Variants in LRBA observed in about 807,000 individuals in gnomAD.
LRBA encodes LPS responsive beige-like anchor protein.
In LRBA, 176 loss-of-function variants were observed where a neutral mutation model predicts 330.0. The observed-to-expected ratio is 0.53, with a 90% CI of 0.47 to 0.60. The LOEUF is 0.60. Among genes scored for constraint, LRBA ranks in the 20% least tolerant of loss-of-function variants. LRBA has a pLI of 0.00. For synonymous variants in LRBA, 1,230 were observed against 1,193.0 expected (o/e 1.03, Z -0.64); for missense variants, 3,259 against 3,444.8 (o/e 0.95, Z 1.35).
intron 43 of LRBA, 75 bp downstream of exon 43, chr4:150,471,549 A>T (rs1756130962): frequency 2.5e-6 from 2 of 814,978 alleles, no homozygotes; most frequent in Admixed American, 2.5e-5. Flanking sequence ...TAGTTATACC[A>T]CTACTTAAAA....
At chr4:150,657,326 G>A (rs1307905343) in intron 37 of LRBA, among the ~76,000 whole-genome samples, 2 of 151,882 alleles carry the variant, frequency 1.3e-5, no homozygotes, top group East Asian at 1.9e-4. Flanking sequence ...TATCATATAA[G>A]CAAACAAAAG....
At chr4:150,539,232 C>A (rs533814694) in intron 40 of LRBA, among the ~76,000 whole-genome samples, 16 of 152,244 alleles carry the variant, frequency 1.1e-4, no homozygotes, top group Admixed American at 9.2e-4. Context: ...CTGCGGCCTC[C>A]CAAAGTGCTG....
chr4:150,580,914 AAG>A (rs949909393), intron 40 of LRBA: 2 of 153,012 alleles, frequency 1.3e-5, no homozygotes, highest in Admixed American at 1.3e-4. Context: ...TTTTAAAAGC[AAG>A]AGTCAATTAT....
chr4:150,977,078 GCT>G, intron 2 of LRBA, among the ~76,000 whole-genome samples: 1 of 152,318 alleles, frequency 6.6e-6, no homozygotes, highest in Non-Finnish European at 1.5e-5. Context: ...CTAGCACTGT[GCT>G]CTGAGTCCAC....
intron 40 of LRBA, among the ~76,000 whole-genome samples, chr4:150,570,542 CAT>C (rs1472939593): frequency 1.3e-5 from 2 of 152,102 alleles, no homozygotes; most frequent in South Asian, 2.1e-4. Flanking sequence ...AGAAATAACA[CAT>C]GTCATCTTCT....
intron 4 of LRBA, among the ~76,000 whole-genome samples, chr4:150,925,163 T>G (rs904117346): frequency 6.5e-5 from 1 of 15,274 alleles, no homozygotes; most frequent in Non-Finnish European, 3.8e-4. Context: ...GACCCTGTCT[T>G]TAAAAAAAAA....
chr4:150,838,697 C>A (rs910458622), intron 28 of LRBA, among the ~76,000 whole-genome samples: 1 of 152,080 alleles, frequency 6.6e-6, no homozygotes, highest in African/African-American at 2.4e-5. Context: ...TTCGTCTAAT[C>A]TTTTTTCAAG....
At chr4:150,732,647 A>G (rs1468735333) in intron 36 of LRBA, among the ~76,000 whole-genome samples, 1 of 152,010 alleles carries the variant, frequency 6.6e-6, no homozygotes, top group African/African-American at 2.4e-5. Context: ...AAGAATTATT[A>G]GTACAGTGAA....
At chr4:150,496,096 T>C (rs1422537812) in intron 40 of LRBA, among the ~76,000 whole-genome samples, 2 of 152,122 alleles carry the variant, frequency 1.3e-5, no homozygotes, top group Non-Finnish European at 2.9e-5. Flanking sequence ...CTGTAAAACA[T>C]CAAACCTATC....
rs375669031 is a variant in LRBA at position 150,998,302 on chromosome 4, G to A, written c.216+16125C>T. ...CAGGGGGCGGAGGTTGCAGTGAGCCGAGATCACGCCACTGCACTCCAGCCT... is the reference window on the plus strand; with the variant it reads ...CAGGGGGCGGAGGTTGCAGTGAGCCAAGATCACGCCACTGCACTCCAGCCT... On this transcript the variant is annotated intron_variant, in intron 2 of 56. Coordinates refer to ENST00000651943, the MANE Select transcript of LRBA (RefSeq NM_001364905.1). 1.0e-4 allele frequency among the ~76,000 whole-genome samples: 15 copies of A among 148,612 alleles called. No individual in the cohort carries two copies. The East Asian group carries it at 2.4e-3, about 24-fold the overall frequency.
In LRBA at chr4:150,852,641, T is replaced by C. The variant is rs189346594; in HGVS notation, c.3069A>G (p.Gln1023=). The change falls in exon 23 of 57, where the codon CAA becomes CAG. Residue 1023 remains glutamine, a synonymous_variant. Transcript: ENST00000651943. Reference sequence around the variant, plus strand: ...CTTCATCTGGTAACTCCTGATTTTCTTGCTCAGCTTTCATTTCTTCATAAG... The same window carrying C: ...CTTCATCTGGTAACTCCTGATTTTCCTGCTCAGCTTTCATTTCTTCATAAG... ...NTSYEEMKAE[Q]ENQELPDEGT... is the part of the protein sequence containing the mutation. 15 of 1,614,128 alleles carry C rather than the reference T, an allele frequency of 9.3e-6. No individual in the cohort carries two copies. In the Admixed American group the frequency reaches 2.5e-4, roughly 27 times the overall value.
At chr4:150,550,961 G>T (rs927051584) in intron 40 of LRBA, among the ~76,000 whole-genome samples, 2 of 152,136 alleles carry the variant, frequency 1.3e-5, no homozygotes, top group African/African-American at 4.8e-5. Context: ...CAAAGTTCAT[G>T]TGTTGGAAAC....
At chr4:150,771,544 A>G (rs2126532569) in intron 34 of LRBA, among the ~76,000 whole-genome samples, 1 of 152,304 alleles carries the variant, frequency 6.6e-6, no homozygotes, top group Middle Eastern at 3.4e-3. Flanking sequence ...GCATGCAGGG[A>G]AGATAAATTT....
At chr4:150,938,433 C>A (rs1208352829) in intron 2 of LRBA, among the ~76,000 whole-genome samples, 1 of 152,136 alleles carries the variant, frequency 6.6e-6, no homozygotes, top group Non-Finnish European at 1.5e-5. Flanking sequence ...ACTGCACTGA[C>A]TCCCAGGTTA....
intron 44 of LRBA, among the ~76,000 whole-genome samples, chr4:150,445,038 A>C (rs1752409768): frequency 1.3e-5 from 2 of 152,210 alleles, no homozygotes; most frequent in Admixed American, 6.5e-5. Context: ...TCCAAGGATA[A>C]TTACTAAAAA....
At chr4:150,901,455 G>C (rs137950138) in intron 13 of LRBA, among the ~76,000 whole-genome samples, 5 of 152,152 alleles carry the variant, frequency 3.3e-5, no homozygotes, top group African/African-American at 1.2e-4. Context: ...CTGAACAACT[G>C]TAAGTATAGG....
At chr4:150,267,533 A>G (rs7685302) in intron 56 of LRBA, among the ~76,000 whole-genome samples, 74,897 of 152,050 alleles carry the variant, frequency 0.49, 19,723 homozygotes, top group South Asian at 0.59. Context: ...CAATGCTAAA[A>G]TGGAAATTTT....
chr4:150,897,991 G>C (rs1181401364), intron 14 of LRBA, among the ~76,000 whole-genome samples, 173 bp from the exon 15 acceptor site: 1 of 151,956 alleles, frequency 6.6e-6, no homozygotes, highest in African/African-American at 2.4e-5. Context: ...AATCTTACAT[G>C]CACTGTATAC....
intron 42 of LRBA, among the ~76,000 whole-genome samples, chr4:150,484,019 T>C (rs141874698): frequency 2.4e-3 from 362 of 152,140 alleles, no homozygotes; most frequent in African/African-American, 8.2e-3. Context: ...CTAACAGTTG[T>C]TGTTGTTGCT....
Sources: allele counts gnomAD v4.1 joint callset (sites outside exome capture counted in the v4.1 genomes callset), GRCh38; gene constraint gnomAD v4.1.1; transcripts MANE v1.5; gene names NCBI Gene and HGNC (gene_info 2026-07-23, HGNC 2026-07-21).